The following CPNE8 variants were observed in gnomAD, a reference collection of about 807,000 sequenced individuals.
The protein encoded by CPNE8 is copine-8.
In CPNE8, 45 loss-of-function variants were observed where a neutral mutation model predicts 81.5. The ratio of observed to expected loss-of-function variants is 0.55; its 90% CI spans 0.44 to 0.71. The LOEUF (loss-of-function observed/expected upper bound fraction) is 0.71, where lower values mean the gene tolerates loss of function less well. Ranked by LOEUF, CPNE8 falls within the 30% of genes least tolerant of loss-of-function variation. The probability of loss-of-function intolerance (pLI) is 0.00; values close to 1 mark genes in which losing one functional copy is unlikely to be tolerated. For missense variants in CPNE8, 594 were observed against 672.1 expected, an observed-to-expected ratio of 0.88 and a Z score of 1.28; for synonymous variants, 252 against 226.3, an observed-to-expected ratio of 1.11 and a Z score of -1.02.
chr12:38,796,582 G>C (rs1429732533), intron 6 of CPNE8, among the ~76,000 whole-genome samples: 1 of 152,180 alleles, frequency 6.6e-6, no homozygotes, highest in South Asian at 2.1e-4. Flanking sequence ...TGGCCGAATA[G>C]GAACAGCTCC....
chr12:38,856,063 T>C (rs1465731980), intron 3 of CPNE8, among the ~76,000 whole-genome samples: 2 of 151,966 alleles, frequency 1.3e-5, no homozygotes, highest in African/African-American at 2.4e-5. Flanking sequence ...GGGACTATTA[T>C]GAACAACTTT....
At chr12:38,712,582 T>TA (rs1016672187) in intron 13 of CPNE8, among the ~76,000 whole-genome samples, 16 of 152,034 alleles carry the variant, frequency 1.1e-4, no homozygotes, top group African/African-American at 3.1e-4. Context: ...TATTTTTAAG[T>TA]AAAAAAAATA....
chr12:38,790,087 C>T (rs1002357061), intron 6 of CPNE8, among the ~76,000 whole-genome samples: 2 of 151,700 alleles, frequency 1.3e-5, no homozygotes, highest in Non-Finnish European at 3.0e-5. Flanking sequence ...AACAATCCTA[C>T]TACTAGGTAT....
In CPNE8 at chr12:38,714,898, T is replaced by C. The variant is rs138645093; in HGVS notation, c.914+8874A>G. Among the ~76,000 whole-genome samples, 712 of 152,218 alleles carry C rather than the reference T, an allele frequency of 4.7e-3. 5 individuals carry two copies. The highest frequency in any genetic ancestry group is 0.016 in the African/African-American group (662 of 41,570). On this transcript the variant is annotated intron_variant, in intron 13 of 19. Transcript: ENST00000331366. ...TAATAACTAAACTAACGGAAGTGTATAATATTGAATACTACGAACCAGGCC... is the reference window on the plus strand; with the variant it reads ...TAATAACTAAACTAACGGAAGTGTACAATATTGAATACTACGAACCAGGCC...
rs138701612 is a variant in CPNE8, at chr12:38,716,519, G to A, written c.914+7253C>T. 1.1e-3 allele frequency among the ~76,000 whole-genome samples: 163 copies of A among 151,622 alleles called. 1 individual carries two copies. The highest frequency in any genetic ancestry group is 3.5e-3 in the African/African-American group (147 of 41,434). Reference sequence around the variant, plus strand: ...ATAGAACTAACTGATCTTTGAGAGCGCATAAAAATAAAAACTGGGGAAAGA... The same window carrying A: ...ATAGAACTAACTGATCTTTGAGAGCACATAAAAATAAAAACTGGGGAAAGA... On this transcript the variant is annotated intron_variant, in intron 13 of 19. Transcript: ENST00000331366.
intron 10 of CPNE8, among the ~76,000 whole-genome samples, chr12:38,741,568 C>A (rs1042013052): frequency 2.6e-5 from 4 of 152,088 alleles, no homozygotes; most frequent in Non-Finnish European, 4.4e-5. Context: ...GACCTAAAAC[C>A]ATAAAAACTC....
chr12:38,736,069 A>G (rs1352791832), intron 10 of CPNE8, among the ~76,000 whole-genome samples: 1 of 151,882 alleles, frequency 6.6e-6, no homozygotes, highest in Non-Finnish European at 1.5e-5. Context: ...CTCATAAATT[A>G]AGAGTTCAGC....
intron 15 of CPNE8, among the ~76,000 whole-genome samples, chr12:38,689,724 T>C (rs1383836411): frequency 6.6e-6 from 1 of 152,226 alleles, no homozygotes; most frequent in East Asian, 1.9e-4. Flanking sequence ...GAGAAATCAC[T>C]TGGACAGGTG....
chr12:38,659,576 T>A (rs1250337564), intron 19 of CPNE8, among the ~76,000 whole-genome samples: 2 of 152,168 alleles, frequency 1.3e-5, no homozygotes, highest in Non-Finnish European at 2.9e-5. Context: ...CTCTCTACTC[T>A]AAATCAACAG....
intron 19 of CPNE8, among the ~76,000 whole-genome samples, chr12:38,656,341 GT>G (rs557384391): frequency 4.2e-5 from 6 of 141,676 alleles, no homozygotes; most frequent in Non-Finnish European, 7.7e-5. Flanking sequence ...TTTTTGAAGA[GT>G]TTTTTTTTTC....
chr12:38,673,378 C>T (rs1219870742), intron 18 of CPNE8, among the ~76,000 whole-genome samples: 1 of 152,126 alleles, frequency 6.6e-6, no homozygotes, highest in Non-Finnish European at 1.5e-5. Context: ...GATATATACA[C>T]TTACTCTAGA....
intron 6 of CPNE8, among the ~76,000 whole-genome samples, chr12:38,814,437 C>T (rs1942990532): frequency 6.6e-6 from 1 of 150,588 alleles, no homozygotes; most frequent in Non-Finnish European, 1.5e-5. Context: ...CTGTCTCAGC[C>T]TCCTGAGTAA....
At chr12:38,895,075 G>T (rs2137151666) in intron 1 of CPNE8, among the ~76,000 whole-genome samples, 1 of 152,142 alleles carries the variant, frequency 6.6e-6, no homozygotes, top group South Asian at 2.1e-4. Flanking sequence ...TAAAATTAAT[G>T]TGTCACTTGT....
chr12:38,782,009 C>A (rs1184055793), intron 6 of CPNE8, among the ~76,000 whole-genome samples: 1 of 151,988 alleles, frequency 6.6e-6, no homozygotes, highest in Non-Finnish European at 1.5e-5. Flanking sequence ...ATAAAAAGAA[C>A]ATTAGTGAAA....
At chr12:38,759,972 G>A (rs751314123) in intron 10 of CPNE8, among the ~76,000 whole-genome samples, 1 of 152,126 alleles carries the variant, frequency 6.6e-6, no homozygotes, top group African/African-American at 2.4e-5. Context: ...TCATCCCTTT[G>A]GGGGTTGGTT....
At chr12:38,817,576 A>AC (rs1397380216) in intron 6 of CPNE8, among the ~76,000 whole-genome samples, 1 of 141,310 alleles carries the variant, frequency 7.1e-6, no homozygotes, top group Non-Finnish European at 1.6e-5. Context: ...GTGATACCAA[A>AC]TTTTTAAATT....
chr12:38,769,974 G>C (rs1195144301), intron 7 of CPNE8, among the ~76,000 whole-genome samples: 1 of 152,108 alleles, frequency 6.6e-6, no homozygotes, highest in Non-Finnish European at 1.5e-5. Context: ...TTTGTATTAA[G>C]CACAAAATAC....
intron 19 of CPNE8, among the ~76,000 whole-genome samples, chr12:38,663,346 A>T (rs1938999325): frequency 6.6e-6 from 1 of 152,116 alleles, no homozygotes; most frequent in Admixed American, 6.6e-5. Context: ...TGGACAAGTG[A>T]CCTAAATAGA....
chr12:38,726,863 A>C (rs1439450520), intron 11 of CPNE8, among the ~76,000 whole-genome samples: 1 of 152,170 alleles, frequency 6.6e-6, no homozygotes, highest in East Asian at 1.9e-4. Flanking sequence ...CAGAAAAATT[A>C]CCTCATGATT....
Sources: allele counts gnomAD v4.1 joint callset (sites outside exome capture counted in the v4.1 genomes callset), GRCh38; gene constraint gnomAD v4.1.1; transcripts MANE v1.5; gene names NCBI Gene and HGNC (gene_info 2026-07-23, HGNC 2026-07-21).